Variants in MAML3 observed in about 807,000 individuals in gnomAD.
MAML3 encodes mastermind-like protein 3.
In MAML3, 27 loss-of-function variants were observed where a neutral mutation model predicts 101.9. That is an observed-to-expected ratio of 0.27 (90% CI 0.20 to 0.37). The LOEUF (loss-of-function observed/expected upper bound fraction) is 0.37, where lower values mean the gene tolerates loss of function less well. Ranked by LOEUF, MAML3 falls within the 10% of genes least tolerant of loss-of-function variation. The pLI is 1.00. For missense variants in MAML3, 1,316 were observed against 1,444.9 expected (o/e 0.91, Z 1.45); for synonymous variants, 501 against 555.9 (o/e 0.90, Z 1.39).
At chr4:139,934,187 TGTGA>T (rs1733461335) in intron 1 of MAML3, among the ~76,000 whole-genome samples, 1 of 151,994 alleles carries the variant, frequency 6.6e-6, no homozygotes, top group Non-Finnish European at 1.5e-5. Flanking sequence ...TCTGAGTGTG[TGTGA>T]ATGTGTGTGT....
intron 1 of MAML3, among the ~76,000 whole-genome samples, chr4:140,114,061 C>G (rs150032380): frequency 1.4e-4 from 21 of 152,294 alleles, no homozygotes; most frequent in African/African-American, 4.8e-4. Flanking sequence ...CCCATCTTCT[C>G]TGGGTAGAAA....
At chr4:140,137,345 G>A (rs1728908651) in intron 1 of MAML3, among the ~76,000 whole-genome samples, 1 of 152,178 alleles carries the variant, frequency 6.6e-6, no homozygotes, top group Non-Finnish European at 1.5e-5. Context: ...AGTCACAAAA[G>A]TAGTCACTTC....
At position 139,853,319 on chromosome 4, in the gene MAML3, C is replaced by G. The variant is rs151265312; in HGVS notation, c.2079+36038G>C. Among the ~76,000 whole-genome samples, 1,220 of 152,280 alleles carry G rather than the reference C, an allele frequency of 8.0e-3. 7 individuals are homozygous for G. Among genetic ancestry groups the G allele is most frequent in the South Asian group, 0.026 (124 of 4,830 alleles). On this transcript the variant is annotated intron_variant, in intron 2 of 4. Coordinates refer to ENST00000509479, the MANE Select transcript of MAML3 (RefSeq NM_018717.5). ...AATGGTAAAAATCAAACTAAACTAA[C>G]CCTGCTGGGGATGCTTGTATATATG...
At position 139,889,581 on chromosome 4, in the gene MAML3, G is replaced by A. The variant is rs774233166; in HGVS notation, c.1855C>T (p.Pro619Ser). Residue 619 changes from proline to serine, a missense_variant, in exon 2 of 5, where the codon CCA (proline) becomes TCA (serine). By Grantham distance (74) the Pro-to-Ser change is moderately conservative. Transcript: ENST00000509479. ...GGGTTTTTGTTGGGGTTGGCCACTG[G>A]TGGTGTCATCCTCTGACTCAGGTCT... ...NADLSQRMTP[P>S]VANPNKNPLM... 6.2e-7 allele frequency: 1 copy of A among 1,613,908 alleles called. No individual in the cohort carries two copies. The highest frequency in any genetic ancestry group is 1.7e-5 in the Admixed American group (1 of 60,016).
chr4:139,831,388 G>A (rs1731159922), intron 2 of MAML3, among the ~76,000 whole-genome samples: 3 of 152,128 alleles, frequency 2.0e-5, no homozygotes, highest in African/African-American at 4.8e-5. Flanking sequence ...GAAAACATTT[G>A]AAGATTCACT....
At chr4:139,909,098 C>G (rs924975770) in intron 1 of MAML3, among the ~76,000 whole-genome samples, 2 of 152,176 alleles carry the variant, frequency 1.3e-5, no homozygotes, top group Non-Finnish European at 2.9e-5. Context: ...CTCCTGCACT[C>G]GAACTGGAGT....
intron 1 of MAML3, among the ~76,000 whole-genome samples, chr4:139,922,100 A>T (rs1240526236): frequency 1.3e-5 from 2 of 152,168 alleles, no homozygotes; most frequent in Non-Finnish European, 2.9e-5. Context: ...GGAGCTAGGG[A>T]GAGCAAGTGC....
chr4:139,933,881 G>C (rs549181365), intron 1 of MAML3, among the ~76,000 whole-genome samples: 3 of 152,144 alleles, frequency 2.0e-5, no homozygotes, highest in Admixed American at 6.5e-5. Context: ...ATGGGGTGGG[G>C]GTGTGTGTGA....
intron 1 of MAML3, among the ~76,000 whole-genome samples, chr4:139,999,449 C>T (rs560813933): frequency 2.8e-4 from 42 of 152,332 alleles, no homozygotes; most frequent in African/African-American, 9.9e-4. Context: ...AACAAAAGTT[C>T]AGCAGTTTTT....
intron 1 of MAML3, among the ~76,000 whole-genome samples, chr4:140,083,967 CAG>C (rs72201205): frequency 2.7e-3 from 221 of 81,246 alleles, no homozygotes; most frequent in African/African-American, 7.1e-3. Context: ...CACACACACA[CAG>C]AGAGAGAGAG....
intron 2 of MAML3, among the ~76,000 whole-genome samples, chr4:139,846,121 T>G (rs1731441799): frequency 6.6e-6 from 1 of 152,156 alleles, no homozygotes; most frequent in Non-Finnish European, 1.5e-5. Context: ...TATGCAAATC[T>G]TGATAGATCA....
intron 2 of MAML3, among the ~76,000 whole-genome samples, chr4:139,783,155 C>T (rs1730246461): frequency 6.6e-6 from 1 of 152,162 alleles, no homozygotes; most frequent in Non-Finnish European, 1.5e-5. Flanking sequence ...TCTTAAAGCC[C>T]TTTTGTCCTC....
At chr4:140,026,104 C>G (rs887730508) in intron 1 of MAML3, among the ~76,000 whole-genome samples, 6 of 152,042 alleles carry the variant, frequency 3.9e-5, no homozygotes, top group African/African-American at 1.5e-4. Context: ...TGATTAGGAA[C>G]CTCGATTTTT....
chr4:139,969,076 A>G (rs1450648896), intron 1 of MAML3, among the ~76,000 whole-genome samples: 1 of 151,980 alleles, frequency 6.6e-6, no homozygotes, highest in Non-Finnish European at 1.5e-5. Flanking sequence ...AAAGCCAGCC[A>G]GCCAGTGAAT....
In MAML3 at chr4:139,822,225, T is replaced by TCACCACCACCAC. The variant is rs34942904; in HGVS notation, c.2079+67120_2079+67131dup. Among the ~76,000 whole-genome samples, 81 of 126,596 alleles carry TCACCACCACCAC rather than the reference T, an allele frequency of 6.4e-4. 1 individual carries two copies. The highest frequency in any genetic ancestry group is 1.1e-3 in the African/African-American group (37 of 34,008). 83.1% of individuals were successfully genotyped at this position (126,596 alleles called of 152,430 possible). On this transcript the variant is annotated intron_variant, in intron 2 of 4. Transcript: ENST00000509479. ...AGGATCATCATTATCATTATCACCA[T>TCACCACCACCAC]CACCACCACCACCACCACCACCACC...
At chr4:139,988,326 C>CAAAAAAAAA (rs764018702) in intron 1 of MAML3, among the ~76,000 whole-genome samples, 1 of 81,942 alleles carries the variant, frequency 1.2e-5, no homozygotes, top group Non-Finnish European at 2.3e-5. Context: ...GACTCCGTCT[C>CAAAAAAAAA]AAAAAAAAAA....
intron 2 of MAML3, among the ~76,000 whole-genome samples, chr4:139,840,511 C>T (rs1731342521): frequency 1.3e-5 from 2 of 152,206 alleles, no homozygotes; most frequent in African/African-American, 4.8e-5. Context: ...GCAGTGTGAG[C>T]AGCGGCTAGA....
At chr4:139,974,096 C>A (rs1180181729) in intron 1 of MAML3, among the ~76,000 whole-genome samples, 1 of 135,298 alleles carries the variant, frequency 7.4e-6, no homozygotes, top group Admixed American at 8.9e-5. Context: ...TTTATTCTTA[C>A]ATTTAATAGT....
chr4:140,132,918 C>G (rs1193769147), intron 1 of MAML3: 1 of 243,496 alleles, frequency 4.1e-6, no homozygotes, highest in African/African-American at 2.2e-5. Flanking sequence ...GTGAAACTTC[C>G]TATTTCATTT....
Sources: gnomAD v4.1 joint callset for allele counts (sites outside exome capture counted in the v4.1 genomes callset) on GRCh38, gnomAD v4.1.1 for gene constraint, MANE v1.5 for transcripts, NCBI Gene and HGNC (gene_info 2026-07-23, HGNC 2026-07-21) for gene names.